Variants in PPP1R2 observed in about 807,000 individuals in gnomAD.
PPP1R2 encodes the protein protein phosphatase inhibitor 2.
Under a neutral mutation model 29.9 loss-of-function variants are expected in PPP1R2, and 16 were observed. The ratio of observed to expected loss-of-function variants is 0.53; its 90% CI spans 0.36 to 0.81. PPP1R2 has a LOEUF of 0.81. PPP1R2 is among the 30% of genes least tolerant of loss of function. The pLI, the probability that PPP1R2 is intolerant of heterozygous loss-of-function variation, is 0.00. For synonymous variants in PPP1R2, 76 were observed against 91.5 expected, an observed-to-expected ratio of 0.83 and a Z score of 0.96; for missense variants, 197 against 252.7, an observed-to-expected ratio of 0.78 and a Z score of 1.49.
intron 1 of PPP1R2, among the ~76,000 whole-genome samples, chr3:195,541,727 G>C (rs1719607567): frequency 1.3e-5 from 2 of 152,120 alleles, no homozygotes; most frequent in Non-Finnish European, 2.9e-5. Context: ...GCCCAAAGAA[G>C]TTGGAAAATT....
intron 2 of PPP1R2, among the ~76,000 whole-genome samples, chr3:195,525,532 G>T (rs1718940115): frequency 6.6e-6 from 1 of 152,152 alleles, no homozygotes. Context: ...AACAAGTAAT[G>T]CAAAGTAAAT....
intron 5 of PPP1R2, among the ~76,000 whole-genome samples, chr3:195,517,549 G>A (rs945278385): frequency 8.6e-5 from 13 of 151,934 alleles, no homozygotes; most frequent in African/African-American, 2.7e-4. Context: ...GAAAAATCAG[G>A]CACTGACCTA....
chr3:195,524,856 C>T lies in PPP1R2; in HGVS notation c.271G>A (p.Ala91Thr), dbSNP rs747889690. 6 of 1,614,010 alleles carry T rather than the reference C, an allele frequency of 3.7e-6. No individual in the cohort carries two copies. Among genetic ancestry groups the T allele is most frequent in the Non-Finnish European group, 5.1e-6 (6 of 1,180,018 alleles). The change falls in exon 3 of 6, where the codon GCC becomes ACC. Residue 91 changes from alanine (A) to threonine (T), a missense_variant. By Grantham distance (58) the Ala-to-Thr change is moderately conservative. Transcript: ENST00000618156. ...DDEDACSDTE[A>T]TEAMAPDILA... ...ATGTCTGGCGCCATGGCTTCAGTGGCCTCGGTGTCACTACAGGCATCTTCA... is the reference window on the plus strand; with the variant it reads ...ATGTCTGGCGCCATGGCTTCAGTGGTCTCGGTGTCACTACAGGCATCTTCA...
At chr3:195,536,090 C>T (rs932799150) in intron 1 of PPP1R2, among the ~76,000 whole-genome samples, 2 of 152,092 alleles carry the variant, frequency 1.3e-5, no homozygotes, top group African/African-American at 2.4e-5. Flanking sequence ...ATACTTGTAA[C>T]ATACAAAACA....
chr3:195,528,147 C>A (rs1030411024), intron 2 of PPP1R2, among the ~76,000 whole-genome samples: 1 of 152,040 alleles, frequency 6.6e-6, no homozygotes, highest in Non-Finnish European at 1.5e-5. Flanking sequence ...CCTCAACCCC[C>A]TCTCACCCCT....
intron 2 of PPP1R2, 84 bp downstream of exon 2, chr3:195,529,710 T>C (rs1476925127): frequency 1.0e-6 from 1 of 978,762 alleles, no homozygotes; most frequent in East Asian, 2.6e-5. Flanking sequence ...ATAAAACAAA[T>C]TCAAATAGGC....
At position 195,519,917 on chromosome 3, in the gene PPP1R2, TA is replaced by T. The variant is rs35492316; in HGVS notation, c.404-733del. Among the ~76,000 whole-genome samples the T allele has an allele frequency of 8.5e-3, 1,237 of 145,534 alleles. 12 individuals are homozygous for T. The highest frequency in any genetic ancestry group is 0.018 in the Admixed American group (269 of 14,832). ...TTTTAACTTCCTTAGATCAGAAAAT[TA>T]AAAAAAAAAAAAAACAACAGAAAAG... On this transcript the variant is annotated intron_variant, in intron 4 of 5. Transcript: ENST00000618156.
At chr3:195,527,427 G>A (rs890133822) in intron 2 of PPP1R2, among the ~76,000 whole-genome samples, 15 of 151,854 alleles carry the variant, frequency 9.9e-5, no homozygotes, top group Non-Finnish European at 1.9e-4. Context: ...TCCAGCCCGG[G>A]TGACAGAGTG....
At chr3:195,531,836 T>G (rs1426292424) in intron 1 of PPP1R2, among the ~76,000 whole-genome samples, 3 of 152,210 alleles carry the variant, frequency 2.0e-5, no homozygotes, top group Non-Finnish European at 2.9e-5. Flanking sequence ...CAACTGAAAC[T>G]GTACTCATTA....
intron 2 of PPP1R2, among the ~76,000 whole-genome samples, chr3:195,527,143 T>C (rs994733927): frequency 6.6e-6 from 1 of 152,014 alleles, no homozygotes; most frequent in African/African-American, 2.4e-5. Flanking sequence ...AGGTTGGTCT[T>C]GAACTCCTGG....
At chr3:195,524,654 A>C (rs1304824383) in intron 3 of PPP1R2, among the ~76,000 whole-genome samples, 165 bp downstream of exon 3, 2 of 152,196 alleles carry the variant, frequency 1.3e-5, no homozygotes, top group African/African-American at 4.8e-5. Flanking sequence ...TTGGTGACTC[A>C]GAAGGTGAAA....
At chr3:195,521,946 C>T (rs1282340319) in intron 4 of PPP1R2, among the ~76,000 whole-genome samples, 2 of 152,130 alleles carry the variant, frequency 1.3e-5, no homozygotes, top group African/African-American at 4.8e-5. Context: ...CCACCAAACC[C>T]GGCCATCATG....
intron 1 of PPP1R2, among the ~76,000 whole-genome samples, chr3:195,541,954 C>T (rs1164873693): frequency 6.6e-6 from 1 of 152,134 alleles, no homozygotes; most frequent in Non-Finnish European, 1.5e-5. Context: ...GCCCTAGGTT[C>T]CTATATTCTG....
At position 195,524,782 on chromosome 3, in the gene PPP1R2, G is replaced by C. The variant is rs561416281; in HGVS notation, c.308+37C>G. The C allele has an allele frequency of 6.5e-5, 104 of 1,597,670 alleles. No homozygotes were observed. The South Asian group carries it at 1.1e-3, about 17-fold the overall frequency. Reference sequence around the variant, plus strand: ...TTTCAACTCTGCACGATTATAAACAGCCTAAGTGAAAATGTGCTCCGGTCA... The same window carrying C: ...TTTCAACTCTGCACGATTATAAACACCCTAAGTGAAAATGTGCTCCGGTCA... On this transcript the variant is annotated intron_variant, in intron 3 of 5. Coordinates refer to ENST00000618156, the MANE Select transcript of PPP1R2 (RefSeq NM_006241.8).
chr3:195,533,621 G>A lies in PPP1R2; in HGVS notation c.123-3720C>T, dbSNP rs79995875. On this transcript the variant is annotated intron_variant, in intron 1 of 5. Coordinates refer to ENST00000618156, the MANE Select transcript of PPP1R2 (RefSeq NM_006241.8). The stretch of plus-strand genomic sequence containing the variant: ...ACCTTAGATGGAGCTCTGCAACTGC[G>A]GCTGCCCATCATTTAAACATGAATC... 8.5e-4 allele frequency among the ~76,000 whole-genome samples: 129 copies of A among 152,248 alleles called. 1 individual carries two copies. In the East Asian group the frequency reaches 0.016, roughly 19 times the overall value.
Position 195,516,759 on chromosome 3 carries a change from CATTTA to C in PPP1R2, c.*132_*136del. The C allele has an allele frequency of 1.4e-6, 1 of 692,408 alleles. No homozygotes were observed. Among genetic ancestry groups the C allele is most frequent in the Non-Finnish European group, 2.5e-6 (1 of 407,462 alleles). The allele number at this position is 692,408 out of a possible 1,614,324, so 42.9% of individuals were successfully genotyped here. A position where few individuals can be genotyped will look rare whatever the true frequency, so the allele number is the denominator to read the frequency against. On this transcript the variant is annotated 3_prime_UTR_variant, in exon 6 of 6. Coordinates refer to ENST00000618156, the MANE Select transcript of PPP1R2 (RefSeq NM_006241.8). ...CAGTCTAATCAGTCTCTAAGTTTAT[CATTTA>C]ATTCTTGGCAATATATAATAACTGG...
In PPP1R2 at chr3:195,520,141, T is replaced by C. The variant is rs573295737; in HGVS notation, c.404-956A>G. 1.1e-4 allele frequency among the ~76,000 whole-genome samples: 16 copies of C among 152,232 alleles called. No individual in the cohort carries two copies. The South Asian group carries it at 3.1e-3, about 30-fold the overall frequency. ...TCTCCTGCCTCAGTCTCCCGAGTAG[T>C]TGGGATCACAGGCATGTGCTACCAC... On this transcript the variant is annotated intron_variant, in intron 4 of 5. Coordinates refer to ENST00000618156, the MANE Select transcript of PPP1R2 (RefSeq NM_006241.8).
chr3:195,534,848 G>A (rs1383163437), intron 1 of PPP1R2, among the ~76,000 whole-genome samples: 1 of 152,214 alleles, frequency 6.6e-6, no homozygotes, highest in East Asian at 1.9e-4. Context: ...CTCAAGCCAC[G>A]TGCCTGGCAG....
rs780467003 is a variant in PPP1R2 at position 195,529,877 on chromosome 3, T to C, written c.147A>G (p.Glu49=). 21 of 1,608,908 alleles carry C rather than the reference T, an allele frequency of 1.3e-5. 1 individual carries two copies. The South Asian group carries it at 2.4e-4, about 18-fold the overall frequency. Reference sequence around the variant, plus strand: ...GATGATACGTCGCCAAGATGTTCATTTCATCCCACTTCTGGGATTTTTTGC... The same window carrying C: ...GATGATACGTCGCCAAGATGTTCATCTCATCCCACTTCTGGGATTTTTTGC... ...ELSKKSQKWD[E]MNILATYHPA... The change falls in exon 2 of 6, where the codon GAA becomes GAG. Residue 49 remains glutamate (E), a synonymous_variant. Coordinates refer to ENST00000618156, the MANE Select transcript of PPP1R2 (RefSeq NM_006241.8).
Sources: allele counts gnomAD v4.1 joint callset (sites outside exome capture counted in the v4.1 genomes callset), GRCh38; gene constraint gnomAD v4.1.1; transcripts MANE v1.5; gene names NCBI Gene and HGNC (gene_info 2026-07-23, HGNC 2026-07-21).